The following SLC36A1 variants were observed in gnomAD, a reference collection of about 807,000 sequenced individuals.
SLC36A1 encodes the protein solute carrier family 36 member 1, also known as proton-coupled amino acid transporter 1.
In SLC36A1, 30 loss-of-function variants were observed where a neutral mutation model predicts 47.5. That is an observed-to-expected ratio of 0.63 (90% CI 0.47 to 0.86). The LOEUF is 0.86. Ranked by LOEUF, SLC36A1 falls within the 40% of genes least tolerant of loss-of-function variation. The pLI, the probability that SLC36A1 is intolerant of heterozygous loss-of-function variation, is 0.00. For synonymous variants in SLC36A1, 255 were observed against 249.7 expected, an observed-to-expected ratio of 1.02 and a Z score of -0.20; for missense variants, 517 against 606.0, an observed-to-expected ratio of 0.85 and a Z score of 1.54.
chr5:151,468,860 A>G (rs893621234), intron 7 of SLC36A1, among the ~76,000 whole-genome samples: 1 of 152,192 alleles, frequency 6.6e-6, no homozygotes, highest in African/African-American at 2.4e-5. Context: ...TATCAACTCC[A>G]GTTAATTTTT....
the SLC36A1 span, among the ~76,000 whole-genome samples, chr5:151,348,170 AG>A: frequency 7.9e-5 from 12 of 152,164 alleles, no homozygotes; most frequent in Admixed American, 2.6e-4. Context: ...CCATGGAGTG[AG>A]TAAAGAGTGT....
Position 151,457,337 on chromosome 5 carries a change from A to G in SLC36A1, c.-5-1451A>G, listed in dbSNP as rs80002135. 2.8e-4 allele frequency among the ~76,000 whole-genome samples: 42 copies of G among 152,108 alleles called. No individual in the cohort carries two copies. The East Asian group carries it at 6.6e-3, about 24-fold the overall frequency. On this transcript the variant is annotated intron_variant, in intron 1 of 10. Transcript: ENST00000243389. ...GTGACCTGTGAAGGCTCATTTAGCA[A>G]TGGTCTCTAGGATTCTAGGGGCCTA...
intron 1 of SLC36A1, among the ~76,000 whole-genome samples, chr5:151,439,411 T>G (rs776649528): frequency 9.9e-5 from 15 of 152,100 alleles, no homozygotes; most frequent in Non-Finnish European, 1.9e-4. Flanking sequence ...TCCCAGCACT[T>G]TGGGAAGCCA....
At chr5:151,344,983 C>T in the SLC36A1 span, among the ~76,000 whole-genome samples, 4 of 152,098 alleles carry the variant, frequency 2.6e-5, no homozygotes, top group African/African-American at 9.7e-5. Flanking sequence ...CTTTTCTCAG[C>T]CCAGGGCATC....
the SLC36A1 span, among the ~76,000 whole-genome samples, chr5:151,392,339 T>C: frequency 6.6e-6 from 1 of 152,184 alleles, no homozygotes. Flanking sequence ...TGCTGATCTT[T>C]TCAAAAAACC....
chr5:151,521,809 C>T, the SLC36A1 span: 116 of 1,614,036 alleles, frequency 7.2e-5, no homozygotes, highest in South Asian at 3.5e-4. Context: ...GTAGTGGCCA[C>T]GAGGCAGGCC....
chr5:151,375,332 T>C, the SLC36A1 span, among the ~76,000 whole-genome samples: 1 of 152,210 alleles, frequency 6.6e-6, no homozygotes, highest in African/African-American at 2.4e-5. Context: ...TTTTCCAGTG[T>C]ATGTTTTTGT....
At chr5:151,554,102 C>T in the SLC36A1 span, among the ~76,000 whole-genome samples, 1 of 152,316 alleles carries the variant, frequency 6.6e-6, no homozygotes, top group African/African-American at 2.4e-5. Flanking sequence ...GGTTCCAAAG[C>T]CCCTGTTACT....
At chr5:151,437,629 T>C (rs1262402321) in intron 1 of SLC36A1, among the ~76,000 whole-genome samples, 1 of 152,200 alleles carries the variant, frequency 6.6e-6, no homozygotes, top group Non-Finnish European at 1.5e-5. Flanking sequence ...TTCTCGTACT[T>C]TACTTCTCAA....
rs149409506 is a variant in SLC36A1, at chr5:151,440,403, T to G, written c.-6+3224T>G. On this transcript the variant is annotated intron_variant, in intron 1 of 8. Transcript: ENST00000429484. ...GAAGCCACTGTAGGGGGCAGTGGTC[T>G]TAACAGAGAGAGGCTTGACAGTAGG... 3.3e-3 allele frequency among the ~76,000 whole-genome samples: 499 copies of G among 152,246 alleles called. 2 individuals are homozygous for G. Among genetic ancestry groups the G allele is most frequent in the African/African-American group, 0.011 (471 of 41,540 alleles).
intron 1 of SLC36A1, among the ~76,000 whole-genome samples, chr5:151,440,826 GA>G (rs1030778511): frequency 5.3e-5 from 8 of 151,994 alleles, no homozygotes; most frequent in Admixed American, 2.6e-4. Context: ...GAAATAAGGG[GA>G]AAAAAACCTT....
the SLC36A1 span, among the ~76,000 whole-genome samples, chr5:151,430,093 G>T: frequency 6.6e-6 from 1 of 152,050 alleles, no homozygotes; most frequent in East Asian, 1.9e-4. Flanking sequence ...GGTAAATAAG[G>T]CCTGGTCATT....
the SLC36A1 span, chr5:151,382,030 C>T: frequency 4.6e-6 from 3 of 650,734 alleles, no homozygotes; most frequent in South Asian, 5.8e-5. Context: ...AGCCCGGGAG[C>T]TCTCCCAGTC....
At chr5:151,534,970 A>ATATATATATATATATATAT in the SLC36A1 span, among the ~76,000 whole-genome samples, 24 of 106,412 alleles carry the variant, frequency 2.3e-4, 1 homozygote, top group Non-Finnish European at 3.6e-4. Flanking sequence ...CTTCTAGGAA[A>ATATATATATATATATATAT]ATATATATAT....
At chr5:151,430,152 A>G in the SLC36A1 span, among the ~76,000 whole-genome samples, 1 of 147,354 alleles carries the variant, frequency 6.8e-6, no homozygotes, top group Non-Finnish European at 1.5e-5. Context: ...TCAGGCTAGA[A>G]TTAGCTAAAC....
the SLC36A1 span, among the ~76,000 whole-genome samples, chr5:151,548,237 A>G: frequency 1.3e-5 from 2 of 152,100 alleles, no homozygotes; most frequent in East Asian, 3.8e-4. Context: ...GTGAGGGCAG[A>G]CAGCAAATTA....
At chr5:151,425,964 C>CTCTATCTATCTATCCATCTA in the SLC36A1 span, among the ~76,000 whole-genome samples, 1 of 148,052 alleles carries the variant, frequency 6.8e-6, no homozygotes, top group Non-Finnish European at 1.5e-5. Flanking sequence ...CTCTCTCTCC[C>CTCTATCTATCTATCCATCTA]TCTATCTATC....
the SLC36A1 span, among the ~76,000 whole-genome samples, chr5:151,537,214 A>G: frequency 0.011 from 1,456 of 133,738 alleles, 22 homozygotes; most frequent in African/African-American, 0.034. Flanking sequence ...AAGAAGAGGA[A>G]GAAGAAGAGG....
At chr5:151,422,732 T>A in the SLC36A1 span, among the ~76,000 whole-genome samples, 2 of 151,510 alleles carry the variant, frequency 1.3e-5, no homozygotes, top group South Asian at 2.1e-4. Context: ...CATCTAAAAA[T>A]AATAATAATA....
Sources: gnomAD v4.1 joint callset for allele counts (sites outside exome capture counted in the v4.1 genomes callset) on GRCh38, gnomAD v4.1.1 for gene constraint, MANE v1.5 for transcripts, NCBI Gene and HGNC (gene_info 2026-07-23, HGNC 2026-07-21) for gene names.